Variants in MCTP2 observed in about 807,000 individuals in gnomAD.
The protein encoded by MCTP2 is multiple C2 and transmembrane domain-containing protein 2.
In MCTP2, 132 loss-of-function variants were observed where a neutral mutation model predicts 111.6. The ratio of observed to expected loss-of-function variants is 1.18; its 90% CI spans 1.03 to 1.37. The LOEUF is 1.37. Ranked by LOEUF, MCTP2 falls within the 40% of genes most tolerant of loss-of-function variation. The pLI, the probability that MCTP2 is intolerant of heterozygous loss-of-function variation, is 0.00. For synonymous variants in MCTP2, 395 were observed against 387.7 expected, an observed-to-expected ratio of 1.02 and a Z score of -0.22; for missense variants, 1,183 against 1,067.9, an observed-to-expected ratio of 1.11 and a Z score of -1.50.
chr15:94,330,882 G>C (rs749056510), intron 4 of MCTP2, among the ~76,000 whole-genome samples: 1 of 151,422 alleles, frequency 6.6e-6, no homozygotes, highest in African/African-American at 2.4e-5. Context: ...CAAAAGCTGC[G>C]CACCACCATG....
At chr15:94,261,995 A>G (rs1314689712) in intron 1 of MCTP2, among the ~76,000 whole-genome samples, 1 of 152,218 alleles carries the variant, frequency 6.6e-6, no homozygotes, top group Non-Finnish European at 1.5e-5. Flanking sequence ...ATCTAATTAG[A>G]CAAATATTTA....
intron 19 of MCTP2, among the ~76,000 whole-genome samples, chr15:94,455,715 A>G (rs534337851): frequency 5.3e-4 from 80 of 152,282 alleles, no homozygotes; most frequent in Non-Finnish European, 1.0e-3. Flanking sequence ...GTGAGCCACC[A>G]TGCCCAGCTT....
intron 8 of MCTP2, 82 bp downstream of exon 8, chr15:94,345,246 AT>A: frequency 7.7e-7 from 1 of 1,292,014 alleles, no homozygotes; most frequent in South Asian, 1.3e-5. Flanking sequence ...CATGATAGAT[AT>A]TACCCAATCT....
chr15:94,245,276 G>A (rs2071771994), intron 1 of MCTP2, among the ~76,000 whole-genome samples: 4 of 129,942 alleles, frequency 3.1e-5, no homozygotes, highest in South Asian at 2.3e-4. Context: ...GTGTATATAC[G>A]TATATACACA....
chr15:94,370,973 CTT>C (rs1176826671), intron 12 of MCTP2, among the ~76,000 whole-genome samples: 1 of 152,216 alleles, frequency 6.6e-6, no homozygotes, highest in East Asian at 1.9e-4. Flanking sequence ...GTGGGCTACT[CTT>C]TTTCTTCCTT....
At chr15:94,470,796 T>C (rs1336549742) in intron 21 of MCTP2, among the ~76,000 whole-genome samples, 5 of 151,704 alleles carry the variant, frequency 3.3e-5, no homozygotes, top group Admixed American at 6.6e-5. Flanking sequence ...CCTACCTGCA[T>C]CATGCCCTTG....
intron 4 of MCTP2, among the ~76,000 whole-genome samples, chr15:94,320,064 A>T (rs1421506602): frequency 6.6e-6 from 1 of 151,582 alleles, no homozygotes; most frequent in African/African-American, 2.4e-5. Flanking sequence ...ATATACCTTT[A>T]TCCTTAATTG....
chr15:94,243,195 A>G lies in MCTP2; in HGVS notation c.-66+11531A>G, dbSNP rs1048788627. Among the ~76,000 whole-genome samples the G allele has an allele frequency of 1.6e-4, 24 of 148,326 alleles. 4 individuals carry two copies. Among genetic ancestry groups the G allele is most frequent in the Admixed American group, 8.0e-4 (12 of 14,980 alleles). On this transcript the variant is annotated intron_variant, in intron 1 of 22. Transcript: ENST00000357742. ...CGTACGTATGTACGTATGCGTATAT[A>G]CGTATGCGTATATACGTATATACAT...
chr15:94,399,190 T>G, intron 15 of MCTP2, 128 bp downstream of exon 15: 1 of 597,624 alleles, frequency 1.7e-6, no homozygotes, highest in Non-Finnish European at 3.0e-6. Flanking sequence ...AAGAATAGTG[T>G]TTTAAAGCTG....
intron 17 of MCTP2, among the ~76,000 whole-genome samples, chr15:94,423,679 G>A (rs1294901217): frequency 1.3e-5 from 2 of 152,160 alleles, no homozygotes; most frequent in Non-Finnish European, 1.5e-5. Context: ...ATAGGTGCAT[G>A]TGCGTGTAAG....
At chr15:94,382,630 G>C (rs974524276) in intron 12 of MCTP2, among the ~76,000 whole-genome samples, 2 of 152,234 alleles carry the variant, frequency 1.3e-5, no homozygotes, top group African/African-American at 2.4e-5. Flanking sequence ...CTGTACCTCA[G>C]AGCGCCTGGT....
chr15:94,392,099 C>T (rs925646505), intron 14 of MCTP2, among the ~76,000 whole-genome samples: 14 of 151,990 alleles, frequency 9.2e-5, no homozygotes, highest in African/African-American at 1.4e-4. Flanking sequence ...AGGCCAGGCG[C>T]GGTGGCTCAT....
intron 17 of MCTP2, among the ~76,000 whole-genome samples, chr15:94,414,179 C>G (rs1200102274): frequency 6.6e-6 from 1 of 152,122 alleles, no homozygotes; most frequent in Non-Finnish European, 1.5e-5. Context: ...CAGTCTCTGC[C>G]TTTCTTCTGA....
chr15:94,245,540 G>T, intron 1 of MCTP2, among the ~76,000 whole-genome samples: 1 of 139,098 alleles, frequency 7.2e-6, no homozygotes, highest in East Asian at 2.1e-4. Flanking sequence ...ATACATACAT[G>T]TATATATTTA....
At chr15:94,476,579 T>C (rs993989570) in intron 21 of MCTP2, 117 bp from the exon 22 acceptor site, 2 of 675,798 alleles carry the variant, frequency 3.0e-6, no homozygotes, top group East Asian at 2.8e-5. Flanking sequence ...TGAAGATAGA[T>C]GCTAGATAGA....
At chr15:94,372,141 C>T (rs1305601707) in intron 12 of MCTP2, among the ~76,000 whole-genome samples, 1 of 152,206 alleles carries the variant, frequency 6.6e-6, no homozygotes, top group Non-Finnish European at 1.5e-5. Context: ...TAAGTACCAA[C>T]AAATTCCAAT....
chr15:94,281,896 A>G (rs2074507146), intron 1 of MCTP2, among the ~76,000 whole-genome samples: 1 of 151,934 alleles, frequency 6.6e-6, no homozygotes, highest in Admixed American at 6.5e-5. Flanking sequence ...AATTATTTCT[A>G]CTGAAAGGCC....
At chr15:94,325,131 G>C (rs2152381618) in intron 4 of MCTP2, among the ~76,000 whole-genome samples, 1 of 152,272 alleles carries the variant, frequency 6.6e-6, no homozygotes, top group Admixed American at 6.5e-5. Context: ...TGGATGGTGG[G>C]TGAGGGTTAT....
chr15:94,393,735 C>G (rs1196464529), intron 14 of MCTP2, among the ~76,000 whole-genome samples: 2 of 151,962 alleles, frequency 1.3e-5, no homozygotes, highest in African/African-American at 4.8e-5. Flanking sequence ...AAATACAAGT[C>G]AACCTAGCAG....
Sources: gnomAD v4.1 joint callset for allele counts (sites outside exome capture counted in the v4.1 genomes callset) on GRCh38, gnomAD v4.1.1 for gene constraint, MANE v1.5 for transcripts, NCBI Gene and HGNC (gene_info 2026-07-23, HGNC 2026-07-21) for gene names.